HECW2: variants seen among roughly 807,000 people sequenced by gnomAD.
HECW2 encodes the protein HECT, C2 and WW domain containing E3 ubiquitin protein ligase 2.
In HECW2, 61 loss-of-function variants were observed where a neutral mutation model predicts 175.2. The observed-to-expected ratio is 0.35, with a 90% CI of 0.28 to 0.43. HECW2 has a LOEUF of 0.43. Among genes scored for constraint, HECW2 ranks in the 20% least tolerant of loss-of-function variants. The probability of loss-of-function intolerance (pLI) is 1.00; values close to 1 mark genes in which losing one functional copy is unlikely to be tolerated. For synonymous variants in HECW2, 671 were observed against 731.0 expected (o/e 0.92, Z 1.32); for missense variants, 1,524 against 2,000.5 (o/e 0.76, Z 4.54).
At chr2:196,428,074 C>A (rs1417157422) in intron 2 of HECW2, among the ~76,000 whole-genome samples, 1 of 152,136 alleles carries the variant, frequency 6.6e-6, no homozygotes, top group Non-Finnish European at 1.5e-5. Context: ...AAAACTCACA[C>A]TTCTAGAGGG....
chr2:196,569,537 C>T (rs561717113), intron 1 of HECW2, among the ~76,000 whole-genome samples: 4 of 152,184 alleles, frequency 2.6e-5, no homozygotes, highest in Non-Finnish European at 5.9e-5. Context: ...TTAATTTTGT[C>T]ATATTATTTA....
intron 1 of HECW2, among the ~76,000 whole-genome samples, chr2:196,546,328 CCTACTAGA>C (rs1299151331): frequency 1.3e-5 from 2 of 152,196 alleles, no homozygotes; most frequent in Non-Finnish European, 2.9e-5. Flanking sequence ...ACACGTCTCC[CCTACTAGA>C]CTTCAGATGA....
At chr2:196,523,134 T>C (rs1688477372) in intron 1 of HECW2, among the ~76,000 whole-genome samples, 1 of 152,158 alleles carries the variant, frequency 6.6e-6, no homozygotes, top group Admixed American at 6.5e-5. Flanking sequence ...TCCATTTGTT[T>C]GTATCCTCTT....
intron 3 of HECW2, among the ~76,000 whole-genome samples, chr2:196,339,834 G>A (rs1242231340): frequency 6.6e-6 from 1 of 152,244 alleles, no homozygotes; most frequent in African/African-American, 2.4e-5. Flanking sequence ...AGTAAGTGTA[G>A]ATGAAGCTGG....
intron 1 of HECW2, among the ~76,000 whole-genome samples, chr2:196,446,503 G>A (rs1345002762): frequency 1.3e-5 from 2 of 152,210 alleles, no homozygotes; most frequent in Admixed American, 6.5e-5. Context: ...TAAGTTGGCA[G>A]CTGGACCTAC....
At chr2:196,576,407 T>C (rs868327526) in intron 1 of HECW2, among the ~76,000 whole-genome samples, 1 of 152,194 alleles carries the variant, frequency 6.6e-6, no homozygotes, top group African/African-American at 2.4e-5. Flanking sequence ...AATCCTGCCA[T>C]TTGTGACAAC....
intron 4 of HECW2, among the ~76,000 whole-genome samples, chr2:196,331,692 A>C (rs1463537886): frequency 1.3e-5 from 2 of 152,228 alleles, no homozygotes; most frequent in Non-Finnish European, 2.9e-5. Flanking sequence ...GGCTTCCTGA[A>C]ACAATTCTCA....
chr2:196,307,143 G>C lies in HECW2; in HGVS notation c.2676C>G (p.His892Gln). The C allele has an allele frequency of 3.1e-6, 5 of 1,612,044 alleles. No homozygotes were observed. The highest frequency in any genetic ancestry group is 4.2e-6 in the Non-Finnish European group (5 of 1,178,142). Residue 892 changes from histidine to glutamine, a missense_variant, in exon 12 of 29, where the codon CAC becomes CAG. By Grantham distance (24) the His-to-Gln change is conservative. Transcript: ENST00000644978. ...IDGAGEEADFHQASADFRREN... is the reference protein window; with the variant it reads ...IDGAGEEADFQQASADFRREN... ...CAAAGCTCTTACCTGCACTGGCTTG[G>C]TGAAAGTCAGCTTCCTCCCCTGCCC...
intron 2 of HECW2, among the ~76,000 whole-genome samples, chr2:196,420,911 T>C (rs554939256): frequency 6.6e-6 from 1 of 152,224 alleles, no homozygotes; most frequent in Non-Finnish European, 1.5e-5. Context: ...TTAAATGTCG[T>C]CAACAATAAA....
At chr2:196,590,467 A>C (rs1691148870) in intron 1 of HECW2, among the ~76,000 whole-genome samples, 1 of 152,178 alleles carries the variant, frequency 6.6e-6, no homozygotes, top group Admixed American at 6.5e-5. Context: ...AACTGGTTCC[A>C]GTTTTTCCCA....
chr2:196,538,254 T>C (rs953858110), intron 1 of HECW2, among the ~76,000 whole-genome samples: 1 of 152,232 alleles, frequency 6.6e-6, no homozygotes, highest in African/African-American at 2.4e-5. Context: ...AAGGAACCAG[T>C]GGCTGTCAAT....
chr2:196,493,192 G>C (rs1167777765), intron 1 of HECW2: 1 of 152,132 alleles, frequency 6.6e-6, no homozygotes, highest in Admixed American at 6.6e-5. Context: ...AACACAGCAA[G>C]ACCTTATCTC....
At chr2:196,219,861 G>A (rs1160053376) in intron 26 of HECW2, among the ~76,000 whole-genome samples, 178 bp downstream of exon 26, 1 of 152,136 alleles carries the variant, frequency 6.6e-6, no homozygotes. Flanking sequence ...CCATCTGACA[G>A]ATGAGGTAAT....
At chr2:196,364,958 G>A (rs1255943287) in intron 2 of HECW2, among the ~76,000 whole-genome samples, 2 of 152,244 alleles carry the variant, frequency 1.3e-5, no homozygotes, top group South Asian at 2.1e-4. Flanking sequence ...GATGTAAAGG[G>A]ATAGAAAGGG....
intron 2 of HECW2, among the ~76,000 whole-genome samples, chr2:196,432,230 T>C (rs1695736188): frequency 6.6e-6 from 1 of 152,090 alleles, no homozygotes; most frequent in South Asian, 2.1e-4. Context: ...TCCTCTGATT[T>C]ATTCGTTAAA....
At chr2:196,227,259 A>G (rs1687883196) in intron 22 of HECW2, among the ~76,000 whole-genome samples, 1 of 152,342 alleles carries the variant, frequency 6.6e-6, no homozygotes, top group East Asian at 1.9e-4. Flanking sequence ...TTTTCCATGA[A>G]TCCTGCTCAT....
intron 13 of HECW2, among the ~76,000 whole-genome samples, chr2:196,305,325 C>CCAAGT (rs1174921414): frequency 6.6e-6 from 1 of 152,168 alleles, no homozygotes; most frequent in African/African-American, 2.4e-5. Context: ...TACTCTCCTC[C>CCAAGT]CAAGTCTTCT....
At chr2:196,503,410 G>A (rs577660564) in intron 1 of HECW2, among the ~76,000 whole-genome samples, 17 of 152,302 alleles carry the variant, frequency 1.1e-4, no homozygotes. Context: ...TAGATCTATG[G>A]GCAGTAGTGG....
At chr2:196,325,896 C>G (rs902040053) in intron 5 of HECW2, among the ~76,000 whole-genome samples, 1 of 152,152 alleles carries the variant, frequency 6.6e-6, no homozygotes, top group East Asian at 1.9e-4. Flanking sequence ...TAGCCAAAGT[C>G]CATTTAGTGA....
Sources: allele counts gnomAD v4.1 joint callset (sites outside exome capture counted in the v4.1 genomes callset), GRCh38; gene constraint gnomAD v4.1.1; transcripts MANE v1.5; gene names NCBI Gene and HGNC (gene_info 2026-07-23, HGNC 2026-07-21).